Variants in VWA8 observed in about 807,000 individuals in gnomAD.
VWA8 encodes von Willebrand factor A domain-containing protein 8.
A neutral mutation model predicts 241.5 loss-of-function variants in VWA8; 221 were observed. The observed-to-expected ratio is 0.91, with a 90% CI of 0.82 to 1.02. The LOEUF is 1.02. Among genes scored for constraint, VWA8 ranks in the 50% least tolerant of loss-of-function variants. The probability of loss-of-function intolerance (pLI) is 0.00; values close to 1 mark genes in which losing one functional copy is unlikely to be tolerated. For missense variants in VWA8, 2,322 were observed against 2,328.7 expected (o/e 1.00, Z 0.06); for synonymous variants, 852 against 827.1 (o/e 1.03, Z -0.52).
intron 37 of VWA8, among the ~76,000 whole-genome samples, chr13:41,661,200 T>C (rs2044947949): frequency 1.3e-5 from 2 of 152,156 alleles, no homozygotes; most frequent in South Asian, 4.1e-4. Context: ...AAAGAGCATC[T>C]AAAAGGATCT....
At chr13:41,924,173 A>G (rs1159549319) in intron 2 of VWA8, among the ~76,000 whole-genome samples, 3 of 152,282 alleles carry the variant, frequency 2.0e-5, no homozygotes, top group Non-Finnish European at 4.4e-5. Flanking sequence ...CAGGAAAACA[A>G]TTTATAACCT....
chr13:41,847,553 T>C (rs1872343992), intron 12 of VWA8, among the ~76,000 whole-genome samples: 1 of 152,168 alleles, frequency 6.6e-6, no homozygotes, highest in Non-Finnish European at 1.5e-5. Flanking sequence ...GAGGTAGGCA[T>C]GGATTGGGTC....
At chr13:41,906,225 A>G (rs1875709316) in intron 4 of VWA8, among the ~76,000 whole-genome samples, 1 of 152,116 alleles carries the variant, frequency 6.6e-6, no homozygotes, top group Non-Finnish European at 1.5e-5. Flanking sequence ...GATTTTTTAC[A>G]ATTACAGTCT....
intron 19 of VWA8, among the ~76,000 whole-genome samples, chr13:41,782,473 G>C (rs948060578): frequency 4.6e-5 from 7 of 152,022 alleles, no homozygotes; most frequent in Admixed American, 3.9e-4. Context: ...CCTTTGACAG[G>C]CAAGTTTTCT....
intron 1 of VWA8, among the ~76,000 whole-genome samples, chr13:41,956,446 C>A (rs1878356462): frequency 6.6e-6 from 1 of 152,146 alleles, no homozygotes; most frequent in Non-Finnish European, 1.5e-5. Flanking sequence ...ATAAGCTTAC[C>A]ATTGTTCTGA....
intron 37 of VWA8, among the ~76,000 whole-genome samples, chr13:41,664,591 G>A (rs1276525062): frequency 6.6e-6 from 1 of 152,078 alleles, no homozygotes; most frequent in East Asian, 1.9e-4. Context: ...TGTAAGGGCA[G>A]AGGAGAGCCA....
chr13:41,822,318 A>G (rs753292066), intron 14 of VWA8, among the ~76,000 whole-genome samples: 4 of 152,184 alleles, frequency 2.6e-5, no homozygotes, highest in Non-Finnish European at 5.9e-5. Flanking sequence ...ATCAATCATG[A>G]GCTAGAACAG....
At chr13:41,697,476 C>T (rs1239489124) in intron 29 of VWA8, among the ~76,000 whole-genome samples, 1 of 152,062 alleles carries the variant, frequency 6.6e-6, no homozygotes, top group East Asian at 1.9e-4. Flanking sequence ...CACCAGGGAC[C>T]AGTTTTGTGG....
chr13:41,818,539 G>A (rs941418311), intron 15 of VWA8, among the ~76,000 whole-genome samples: 6 of 151,930 alleles, frequency 3.9e-5, no homozygotes, highest in Non-Finnish European at 8.8e-5. Context: ...CTCCAGCGTG[G>A]GCAATAGAGC....
In VWA8 at chr13:41,761,353, A is replaced by T. The variant is rs149200469; in HGVS notation, c.2350-149T>A. On this transcript the variant is annotated intron_variant, in intron 20 of 44. Transcript: ENST00000379310. ...TCATGAAAACCAAACTGGCAAACAT[A>T]TATGGAATATCTCCTATGACATAAG... 115 of 674,762 alleles carry T rather than the reference A, an allele frequency of 1.7e-4. No homozygotes were observed. The East Asian group carries it at 3.2e-3, about 19-fold the overall frequency. The allele number at this position is 674,762 out of a possible 1,614,324, so 41.8% of individuals were successfully genotyped here. A position where few individuals can be genotyped will look rare whatever the true frequency, so the allele number is the denominator to read the frequency against.
intron 12 of VWA8, among the ~76,000 whole-genome samples, chr13:41,843,608 A>G (rs1306273971): frequency 2.6e-5 from 4 of 152,166 alleles, no homozygotes; most frequent in African/African-American, 9.7e-5. Flanking sequence ...AAATTAATAA[A>G]AAAAGGGAGA....
chr13:41,570,453 T>A lies in VWA8; in HGVS notation c.5609+15A>T. Reference sequence around the variant, plus strand: ...TCTGTACCTGCCCTTTTCTGTATGCTCAGATGACACTTACCTGGTTGCTTG... The same window carrying A: ...TCTGTACCTGCCCTTTTCTGTATGCACAGATGACACTTACCTGGTTGCTTG... On this transcript the variant is annotated intron_variant, in intron 44 of 44. Coordinates refer to ENST00000379310, the MANE Select transcript of VWA8 (RefSeq NM_015058.2). The A allele has an allele frequency of 3.1e-6, 5 of 1,609,416 alleles. No individual in the cohort carries two copies. The highest frequency in any genetic ancestry group is 4.3e-6 in the Non-Finnish European group (5 of 1,175,820).
intron 18 of VWA8, among the ~76,000 whole-genome samples, chr13:41,785,565 T>C (rs1869152832): frequency 6.6e-6 from 1 of 152,138 alleles, no homozygotes; most frequent in African/African-American, 2.4e-5. Context: ...TTTGCTTCTA[T>C]GGAGTGCTGT....
At chr13:41,898,055 G>C (rs1178289363) in intron 4 of VWA8, among the ~76,000 whole-genome samples, 4 of 152,168 alleles carry the variant, frequency 2.6e-5, no homozygotes, top group Admixed American at 2.0e-4. Context: ...GGCCCCACCA[G>C]AATAGCTAGA....
chr13:41,644,727 C>T (rs953539912), intron 37 of VWA8, among the ~76,000 whole-genome samples: 1 of 152,218 alleles, frequency 6.6e-6, no homozygotes, highest in Non-Finnish European at 1.5e-5. Context: ...AGTTATCTTA[C>T]TTGTTTTCAT....
At chr13:41,731,289 G>A (rs1050395644) in intron 22 of VWA8, among the ~76,000 whole-genome samples, 2 of 152,050 alleles carry the variant, frequency 1.3e-5, no homozygotes, top group African/African-American at 4.8e-5. Context: ...CTGGCAGGCT[G>A]AGATTTCTTT....
At chr13:41,691,518 C>T (rs1199176566) in intron 31 of VWA8, 73 bp from the exon 32 acceptor site, 1 of 1,528,570 alleles carries the variant, frequency 6.5e-7, no homozygotes, top group Non-Finnish European at 8.8e-7. Flanking sequence ...ATAATCATTT[C>T]ATGATACATT....
chr13:41,573,486 A>AAATAAAT lies in VWA8; in HGVS notation c.5370+2253_5370+2254insATTTATT. Among the ~76,000 whole-genome samples the AAATAAAT allele has an allele frequency of 1.5e-4, 17 of 113,600 alleles. 1 individual carries two copies. Among genetic ancestry groups the AAATAAAT allele is most frequent in the African/African-American group, 5.8e-4 (17 of 29,196 alleles). 74.5% of individuals were successfully genotyped at this position (113,600 alleles called of 152,430 possible). ...GGTGGCTATAGTTTAAAAAAAAAAA[A>AAATAAAT]ATATATATATATATATATATACCTC... On this transcript the variant is annotated intron_variant, in intron 43 of 44. Transcript: ENST00000379310.
intron 35 of VWA8, among the ~76,000 whole-genome samples, chr13:41,682,960 G>A (rs2045110825): frequency 6.6e-6 from 1 of 152,094 alleles, no homozygotes; most frequent in South Asian, 2.1e-4. Context: ...ACAATACCAA[G>A]TGCTGACAGG....
Sources: gnomAD v4.1 joint callset for allele counts (sites outside exome capture counted in the v4.1 genomes callset) on GRCh38, gnomAD v4.1.1 for gene constraint, MANE v1.5 for transcripts, NCBI Gene and HGNC (gene_info 2026-07-23, HGNC 2026-07-21) for gene names.